GABRB1: variants seen among roughly 807,000 people sequenced by gnomAD.
GABRB1 encodes gamma-aminobutyric acid receptor subunit beta-1.
In GABRB1, 17 loss-of-function variants were observed where a neutral mutation model predicts 51.6. The observed-to-expected ratio is 0.33, with a 90% confidence interval of 0.23 to 0.49. The LOEUF (loss-of-function observed/expected upper bound fraction) is 0.49, where lower values mean the gene tolerates loss of function less well. Among genes scored for constraint, GABRB1 ranks in the 20% least tolerant of loss-of-function variants. The probability of loss-of-function intolerance (pLI) is 0.99; values close to 1 mark genes in which losing one functional copy is unlikely to be tolerated. For synonymous variants in GABRB1, 247 were observed against 218.9 expected, an observed-to-expected ratio of 1.13 and a Z score of -1.14; for missense variants, 410 against 600.6, an observed-to-expected ratio of 0.68 and a Z score of 3.32.
intron 5 of GABRB1, among the ~76,000 whole-genome samples, chr4:47,355,544 A>C (rs907220844): frequency 6.6e-6 from 1 of 152,200 alleles, no homozygotes; most frequent in African/African-American, 2.4e-5. Flanking sequence ...AGTGACAAAA[A>C]ACAGAGAAAC....
At chr4:47,280,350 A>G (rs536284809) in intron 4 of GABRB1, among the ~76,000 whole-genome samples, 1 of 151,914 alleles carries the variant, frequency 6.6e-6, no homozygotes, top group South Asian at 2.1e-4. Context: ...CCTTAAACAC[A>G]TTACTGCAGC....
At chr4:47,062,356 T>A (rs934210517) in intron 3 of GABRB1, among the ~76,000 whole-genome samples, 1 of 151,382 alleles carries the variant, frequency 6.6e-6, no homozygotes, top group Non-Finnish European at 1.5e-5. Context: ...GTTTTGCTGA[T>A]ATAATGGAAA....
intron 1 of GABRB1, among the ~76,000 whole-genome samples, chr4:46,999,318 G>T (rs1336633217): frequency 6.6e-6 from 1 of 152,072 alleles, no homozygotes. Flanking sequence ...GAACCACTTT[G>T]GAAAGCAGTT....
chr4:47,135,656 T>C (rs1716618124), intron 3 of GABRB1, among the ~76,000 whole-genome samples: 1 of 152,134 alleles, frequency 6.6e-6, no homozygotes, highest in Non-Finnish European at 1.5e-5. Context: ...TCTGCATCAG[T>C]CAACCAGAGG....
intron 3 of GABRB1, among the ~76,000 whole-genome samples, chr4:47,065,240 A>C (rs1727026252): frequency 6.6e-6 from 1 of 152,260 alleles, no homozygotes; most frequent in Non-Finnish European, 1.5e-5. Flanking sequence ...ATGCTGCCTC[A>C]AACCAATAAC....
At chr4:47,313,825 T>C (rs1309541670) in intron 4 of GABRB1, among the ~76,000 whole-genome samples, 1 of 152,016 alleles carries the variant, frequency 6.6e-6, no homozygotes, top group African/African-American at 2.4e-5. Context: ...TCTCAGAGAG[T>C]CCTGTGGGTC....
At chr4:47,162,943 A>G (rs1718025784) in intron 4 of GABRB1, among the ~76,000 whole-genome samples, 1 of 151,984 alleles carries the variant, frequency 6.6e-6, no homozygotes, top group Non-Finnish European at 1.5e-5. Flanking sequence ...GCCTCACACT[A>G]GTTCTCATAG....
At chr4:47,092,538 A>C (rs1303711934) in intron 3 of GABRB1, among the ~76,000 whole-genome samples, 2 of 151,954 alleles carry the variant, frequency 1.3e-5, no homozygotes, top group African/African-American at 4.8e-5. Flanking sequence ...TTGTATGAAT[A>C]AATAAAGGAA....
intron 4 of GABRB1, among the ~76,000 whole-genome samples, chr4:47,200,614 A>G (rs1024096862): frequency 2.0e-5 from 3 of 152,154 alleles, no homozygotes; most frequent in African/African-American, 7.2e-5. Context: ...CTGCTGGATG[A>G]TACCATTAAT....
At chr4:47,163,420 A>G (rs1366289058) in intron 4 of GABRB1, among the ~76,000 whole-genome samples, 1 of 152,022 alleles carries the variant, frequency 6.6e-6, no homozygotes, top group Non-Finnish European at 1.5e-5. Context: ...ACACTAATTG[A>G]GTGCCTATTA....
At chr4:47,247,995 C>T (rs1206297848) in intron 4 of GABRB1, among the ~76,000 whole-genome samples, 1 of 152,000 alleles carries the variant, frequency 6.6e-6, no homozygotes, top group Admixed American at 6.6e-5. Context: ...GATTTGGATG[C>T]CCTTTGTTTC....
intron 3 of GABRB1, among the ~76,000 whole-genome samples, chr4:47,042,159 C>G (rs982765395): frequency 6.6e-6 from 1 of 151,716 alleles, no homozygotes; most frequent in Non-Finnish European, 1.5e-5. Flanking sequence ...ATAACATTCA[C>G]TAGAAATTTT....
intron 4 of GABRB1, among the ~76,000 whole-genome samples, chr4:47,291,077 G>A (rs552080395): frequency 6.6e-5 from 10 of 152,274 alleles, no homozygotes; most frequent in African/African-American, 2.2e-4. Flanking sequence ...CCCATCAAGG[G>A]CTAGGAGGCC....
intron 4 of GABRB1, among the ~76,000 whole-genome samples, chr4:47,277,560 G>A (rs1723131740): frequency 6.6e-6 from 1 of 152,080 alleles, no homozygotes; most frequent in Admixed American, 6.6e-5. Context: ...GAATACCCCA[G>A]TCTCCATGAT....
At chr4:47,173,662 C>T (rs967245179) in intron 4 of GABRB1, among the ~76,000 whole-genome samples, 1 of 152,178 alleles carries the variant, frequency 6.6e-6, no homozygotes, top group Admixed American at 6.5e-5. Flanking sequence ...TTCAGAAGTG[C>T]CTCAGGCCCA....
At position 47,228,964 on chromosome 4, in the gene GABRB1, C is replaced by G. The variant is rs187959390; in HGVS notation, c.461+67495C>G. On this transcript the variant is annotated intron_variant, in intron 4 of 8. Coordinates refer to ENST00000295454, the MANE Select transcript of GABRB1 (RefSeq NM_000812.4). ...AATTCCTTCATGGGTATAATACAAA[C>G]AGCCACCATGTAGAGAGTGTCTACT... 3.9e-5 allele frequency among the ~76,000 whole-genome samples: 6 copies of G among 152,258 alleles called. No homozygotes were observed. The East Asian group carries it at 1.2e-3, about 29-fold the overall frequency.
intron 1 of GABRB1, among the ~76,000 whole-genome samples, chr4:47,023,239 A>T (rs1014345346): frequency 6.6e-6 from 1 of 152,052 alleles, no homozygotes; most frequent in African/African-American, 2.4e-5. Flanking sequence ...AACAGAAAAA[A>T]TGATGAGACT....
intron 3 of GABRB1, among the ~76,000 whole-genome samples, chr4:47,126,643 A>T (rs899412099): frequency 6.6e-6 from 1 of 152,132 alleles, no homozygotes; most frequent in Admixed American, 6.5e-5. Context: ...ATTTACATTG[A>T]CTATGATGTC....
intron 4 of GABRB1, among the ~76,000 whole-genome samples, chr4:47,251,853 C>T (rs1286268594): frequency 6.6e-6 from 1 of 152,134 alleles, no homozygotes; most frequent in Non-Finnish European, 1.5e-5. Flanking sequence ...ACCTAACAGC[C>T]CTGAGTCTAT....
Sources: gnomAD v4.1 joint callset for allele counts (sites outside exome capture counted in the v4.1 genomes callset) on GRCh38, gnomAD v4.1.1 for gene constraint, MANE v1.5 for transcripts, NCBI Gene and HGNC (gene_info 2026-07-23, HGNC 2026-07-21) for gene names.